The following SLC3A2 variants were observed in gnomAD, a reference collection of about 807,000 sequenced individuals.
SLC3A2 encodes amino acid transporter heavy chain SLC3A2.
Under a neutral mutation model 48.5 loss-of-function variants are expected in SLC3A2, and 32 were observed. The ratio of observed to expected loss-of-function variants is 0.66; its 90% CI spans 0.50 to 0.89. The LOEUF is 0.89. Among genes scored for constraint, SLC3A2 ranks in the 40% least tolerant of loss-of-function variants. SLC3A2 has a pLI of 0.00. For missense variants in SLC3A2, 587 were observed against 680.7 expected (o/e 0.86, Z 1.53); for synonymous variants, 277 against 288.8 (o/e 0.96, Z 0.41).
chr11:62,870,231 G>A (rs1455258893), intron 1 of SLC3A2, among the ~76,000 whole-genome samples: 1 of 151,282 alleles, frequency 6.6e-6, no homozygotes, highest in Non-Finnish European at 1.5e-5. Flanking sequence ...TGCCAGCCTG[G>A]AGTGCAGTGG....
upstream of SLC3A2, among the ~76,000 whole-genome samples, chr11:62,879,571 G>A (rs1346552346): frequency 6.6e-6 from 1 of 152,234 alleles, no homozygotes; most frequent in Non-Finnish European, 1.5e-5. Context: ...TTGTTCCTAG[G>A]GTGGGGATGG....
At chr11:62,884,366 T>C in intron 3 of SLC3A2, 91 bp from the exon 4 acceptor site, 1 of 1,364,252 alleles carries the variant, frequency 7.3e-7, no homozygotes, top group South Asian at 1.2e-5. Flanking sequence ...CCCGGGGAAG[T>C]GTGTGGTGGG....
At chr11:62,859,174 G>T (rs978810411) in intron 1 of SLC3A2, among the ~76,000 whole-genome samples, 1 of 152,080 alleles carries the variant, frequency 6.6e-6, no homozygotes, top group African/African-American at 2.4e-5. Context: ...CTAGGCAGAG[G>T]TCCCTGCGGC....
chr11:62,869,627 G>A (rs1365732704), intron 1 of SLC3A2, among the ~76,000 whole-genome samples: 1 of 147,824 alleles, frequency 6.8e-6, no homozygotes, highest in Non-Finnish European at 1.5e-5. Flanking sequence ...TAATTTATAT[G>A]TTTCATCTAC....
At chr11:62,860,520 CCTAT>C (rs1158105593) in intron 1 of SLC3A2, among the ~76,000 whole-genome samples, 12 of 151,954 alleles carry the variant, frequency 7.9e-5, no homozygotes, top group Non-Finnish European at 1.6e-4. Flanking sequence ...GCGGTTTTCT[CCTAT>C]CTCAGTAAAT....
intron 7 of SLC3A2, among the ~76,000 whole-genome samples, chr11:62,887,124 C>T (rs973877737): frequency 2.0e-5 from 3 of 152,142 alleles, no homozygotes; most frequent in African/African-American, 7.2e-5. Flanking sequence ...GAGGATACAG[C>T]ATTGCACAAG....
At chr11:62,865,405 T>C (rs1006584582) in intron 1 of SLC3A2, among the ~76,000 whole-genome samples, 2 of 151,894 alleles carry the variant, frequency 1.3e-5, no homozygotes, top group African/African-American at 4.8e-5. Context: ...ATACAAAAAT[T>C]AGCTGGGCAT....
At chr11:62,885,888 CCATT>C (rs1249768485) in intron 7 of SLC3A2, among the ~76,000 whole-genome samples, 2 of 152,116 alleles carry the variant, frequency 1.3e-5, no homozygotes, top group Non-Finnish European at 2.9e-5. Context: ...ATGGTAGCCA[CCATT>C]CATTTATTCA....
At chr11:62,887,804 T>TC (rs1399253565) in intron 7 of SLC3A2, 6 of 208,110 alleles carry the variant, frequency 2.9e-5, no homozygotes, top group Non-Finnish European at 5.9e-5. Flanking sequence ...CCCAGGGCTT[T>TC]TTTTTTGAGA....
At chr11:62,863,020 C>T (rs945550422) in intron 1 of SLC3A2, among the ~76,000 whole-genome samples, 1 of 152,160 alleles carries the variant, frequency 6.6e-6, no homozygotes, top group East Asian at 1.9e-4. Flanking sequence ...CTCCCAGGTT[C>T]AAGCGATTCT....
Position 62,885,609 on chromosome 11 carries a change from G to A in SLC3A2, c.1143+1G>A. On this transcript the variant is annotated splice_donor_variant, in intron 7 of 8. Coordinates refer to ENST00000338663, the MANE Select transcript of SLC3A2 (RefSeq NM_001013251.3). LOFTEE classifies it high-confidence loss of function. Reference sequence around the variant, plus strand: ...GGATGCAGCTGCCCTTCCTGGACAGGTACTGCTTGCTGTCTTTCTGTCACA... The same window carrying A: ...GGATGCAGCTGCCCTTCCTGGACAGATACTGCTTGCTGTCTTTCTGTCACA... The A allele has an allele frequency of 6.2e-7, 1 of 1,614,006 alleles. No homozygotes were observed. The highest frequency in any genetic ancestry group is 8.5e-7 in the Non-Finnish European group (1 of 1,179,924).
chr11:62,862,780 A>G (rs2085415375), intron 1 of SLC3A2, among the ~76,000 whole-genome samples: 1 of 152,158 alleles, frequency 6.6e-6, no homozygotes, highest in Non-Finnish European at 1.5e-5. Flanking sequence ...TTTTGCTCTT[A>G]GAGAGGTCTG....
chr11:62,885,150 C>G (rs1445258506), intron 5 of SLC3A2, 27 bp from the exon 6 acceptor site: 4 of 1,611,482 alleles, frequency 2.5e-6, no homozygotes, highest in Non-Finnish European at 3.4e-6. Context: ...CTTGTGCTAA[C>G]CTTGAACTCC....
intron 1 of SLC3A2, among the ~76,000 whole-genome samples, chr11:62,856,733 A>G (rs1452602885): frequency 6.6e-6 from 1 of 152,152 alleles, no homozygotes; most frequent in African/African-American, 2.4e-5. Context: ...GCAGTCAGCT[A>G]TAGACTGTTT....
intron 7 of SLC3A2, 107 bp from the exon 8 acceptor site, chr11:62,888,028 T>C (rs1377168028): frequency 6.2e-6 from 6 of 970,932 alleles, no homozygotes; most frequent in African/African-American, 3.2e-5. Flanking sequence ...ATGCCTGGGC[T>C]CAAGCAATCC....
upstream of SLC3A2, among the ~76,000 whole-genome samples, chr11:62,877,650 T>A (rs186398139): frequency 6.2e-4 from 95 of 152,212 alleles, no homozygotes; most frequent in Middle Eastern, 3.4e-3. Flanking sequence ...CTTGAATGAA[T>A]AGGAACTCAT....
In SLC3A2 at chr11:62,888,716, T is replaced by C; in HGVS notation, c.*23T>C. The C allele has an allele frequency of 1.9e-6, 3 of 1,544,080 alleles. No individual in the cohort carries two copies. Among genetic ancestry groups the C allele is most frequent in the Non-Finnish European group, 2.6e-6 (3 of 1,149,754 alleles). On this transcript the variant is annotated 3_prime_UTR_variant, in exon 9 of 9. Transcript: ENST00000338663. ...TGACTTCAGCCTGACATGGACCCAC[T>C]ACCCTTCTCCTTTCCTTCCCAGGCC...
Position 62,888,654 on chromosome 11 carries a change from T to A in SLC3A2, c.1551T>A (p.Pro517=), listed in dbSNP as rs2085748323. ...PLELERLKLE[P]HEGLLLRFPY... ...AGCTGGAACGCCTGAAACTGGAGCC[T>A]CACGAAGGGCTGCTGCTCCGCTTCC... Residue 517 remains proline, a synonymous_variant, in exon 9 of 9, where the codon CCT becomes CCA. Transcript: ENST00000338663. 6.2e-7 allele frequency: 1 copy of A among 1,603,720 alleles called. No homozygotes were observed. Among genetic ancestry groups the A allele is most frequent in the Non-Finnish European group, 8.5e-7 (1 of 1,179,412 alleles).
chr11:62,885,670 G>C (rs1287220229), intron 7 of SLC3A2, 62 bp downstream of exon 7: 1 of 1,575,036 alleles, frequency 6.3e-7, no homozygotes, highest in Non-Finnish European at 8.7e-7. Context: ...TGATGATTCT[G>C]GGGATGGCGG....
Sources: allele counts gnomAD v4.1 joint callset (sites outside exome capture counted in the v4.1 genomes callset), GRCh38; gene constraint gnomAD v4.1.1; transcripts MANE v1.5; gene names NCBI Gene and HGNC (gene_info 2026-07-23, HGNC 2026-07-21).